The following RIPOR2 variants were observed in gnomAD, a reference collection of about 807,000 sequenced individuals.
RIPOR2 encodes rho family-interacting cell polarization regulator 2.
A neutral mutation model predicts 114.5 loss-of-function variants in RIPOR2; 39 were observed. That is an observed-to-expected ratio of 0.34 (90% confidence interval 0.26 to 0.44). The LOEUF is 0.44. Among genes scored for constraint, RIPOR2 ranks in the 20% least tolerant of loss-of-function variants. The probability of loss-of-function intolerance (pLI) is 1.00; values close to 1 mark genes in which losing one functional copy is unlikely to be tolerated. For synonymous variants in RIPOR2, 445 were observed against 484.4 expected (o/e 0.92, Z 1.07); for missense variants, 1,007 against 1,255.1 (o/e 0.80, Z 2.99).
chr6:24,910,303 C>G (rs868497852), intron 1 of RIPOR2, among the ~76,000 whole-genome samples: 9 of 152,218 alleles, frequency 5.9e-5, no homozygotes, highest in African/African-American at 2.2e-4. Flanking sequence ...GAGGAACGAG[C>G]TGGTTCATAG....
rs1271719013 is a variant in RIPOR2, at chr6:24,927,156, C to CATCACT, written c.61+8681_61+8682insAGTGAT. On this transcript the variant is annotated intron_variant, in intron 1 of 21. Transcript: ENST00000643898. ...TCACTACCACCACCACCACCACCAC[C>CATCACT]ACCACAACTACAATCACCACCACCA... Among the ~76,000 whole-genome samples the CATCACT allele has an allele frequency of 2.4e-4, 22 of 90,944 alleles. 3 individuals carry two copies. Among genetic ancestry groups the CATCACT allele is most frequent in the Admixed American group, 3.2e-4 (3 of 9,244 alleles). The allele number at this position is 90,944 out of a possible 152,430, so 59.7% of individuals were successfully genotyped here.
intron 1 of RIPOR2, among the ~76,000 whole-genome samples, chr6:24,899,078 G>C (rs1030188182): frequency 6.6e-6 from 1 of 151,190 alleles, no homozygotes; most frequent in Non-Finnish European, 1.5e-5. Flanking sequence ...AATTTCCACT[G>C]ATGTCCATTC....
At chr6:24,820,675 C>A (rs1759607639) in intron 19 of RIPOR2, among the ~76,000 whole-genome samples, 1 of 152,226 alleles carries the variant, frequency 6.6e-6, no homozygotes, top group South Asian at 2.1e-4. Context: ...CAAGGCTCAT[C>A]TAGGTTGAAG....
At chr6:24,832,654 G>C (rs904547678) in intron 15 of RIPOR2, among the ~76,000 whole-genome samples, 6 of 152,178 alleles carry the variant, frequency 3.9e-5, no homozygotes, top group African/African-American at 1.4e-4. Flanking sequence ...TTATAAAGCT[G>C]CTTTCCCTTT....
chr6:24,928,862 GT>G (rs909394083), intron 1 of RIPOR2, among the ~76,000 whole-genome samples: 8 of 152,168 alleles, frequency 5.3e-5, no homozygotes, highest in Non-Finnish European at 1.2e-4. Flanking sequence ...CTAGATCCGA[GT>G]GTGTTCTCTC....
At chr6:24,976,887 G>A in intron 1 of RIPOR2, 1 of 1,607,248 alleles carries the variant, frequency 6.2e-7, no homozygotes. Context: ...GTGAAAGAAG[G>A]CATGAATATT....
intron 1 of RIPOR2, among the ~76,000 whole-genome samples, chr6:24,962,773 T>G (rs2114223947): frequency 6.6e-6 from 1 of 152,330 alleles, no homozygotes; most frequent in South Asian, 2.1e-4. Context: ...TTCCTTAGTC[T>G]TGTGAAAATC....
intron 1 of RIPOR2, among the ~76,000 whole-genome samples, chr6:24,964,546 G>A (rs550847948): frequency 6.6e-6 from 1 of 152,306 alleles, no homozygotes; most frequent in East Asian, 1.9e-4. Context: ...CCCCTACTGG[G>A]AGACATTTTG....
At chr6:25,007,884 C>T (rs1775619870) in intron 1 of RIPOR2, among the ~76,000 whole-genome samples, 1 of 152,082 alleles carries the variant, frequency 6.6e-6, no homozygotes, top group Non-Finnish European at 1.5e-5. Context: ...GCTGTAGCCC[C>T]ACCTGCCCTC....
At chr6:24,852,063 C>A (rs923328798) in intron 9 of RIPOR2, among the ~76,000 whole-genome samples, 2 of 151,976 alleles carry the variant, frequency 1.3e-5, no homozygotes, top group African/African-American at 4.8e-5. Context: ...AGTTCAAGAC[C>A]AGCCTGGCCA....
At chr6:24,905,600 T>C (rs1158387481) in intron 1 of RIPOR2, among the ~76,000 whole-genome samples, 1 of 152,250 alleles carries the variant, frequency 6.6e-6, no homozygotes, top group African/African-American at 2.4e-5. Flanking sequence ...GAAGGTAGAC[T>C]GTCACAGCTA....
chr6:24,962,157 G>T (rs188741787), intron 1 of RIPOR2, among the ~76,000 whole-genome samples: 1 of 152,226 alleles, frequency 6.6e-6, no homozygotes, highest in Non-Finnish European at 1.5e-5. Context: ...TGTTGCAGTG[G>T]GAGATATGAT....
At chr6:24,830,419 T>C in intron 17 of RIPOR2, 90 bp downstream of exon 17, 1 of 1,054,816 alleles carries the variant, frequency 9.5e-7, no homozygotes, top group East Asian at 2.6e-5. Flanking sequence ...TGCAGGCAAG[T>C]GGTAGGAGGA....
chr6:25,029,370 A>G (rs1240614344), intron 1 of RIPOR2, among the ~76,000 whole-genome samples: 3 of 138,646 alleles, frequency 2.2e-5, no homozygotes, highest in Non-Finnish European at 4.5e-5. Context: ...GCGCCGCTGC[A>G]CTCCAACCTG....
intron 1 of RIPOR2, among the ~76,000 whole-genome samples, chr6:25,010,975 T>G (rs1775753532): frequency 6.6e-6 from 1 of 152,192 alleles, no homozygotes; most frequent in Non-Finnish European, 1.5e-5. Flanking sequence ...CCTGGGTGGT[T>G]GGGAAAGGTT....
chr6:24,934,434 C>A (rs996608496), intron 1 of RIPOR2, among the ~76,000 whole-genome samples: 1 of 152,184 alleles, frequency 6.6e-6, no homozygotes, highest in African/African-American at 2.4e-5. Context: ...AAAAACCCAA[C>A]TAATGATTTT....
In RIPOR2 at chr6:24,992,035, G is replaced by A. The variant is rs532193904; in HGVS notation, c.76+49816C>T. Among the ~76,000 whole-genome samples the A allele has an allele frequency of 4.6e-5, 7 of 152,296 alleles. No individual in the cohort carries two copies. The South Asian group carries it at 1.5e-3, about 32-fold the overall frequency. Reference sequence around the variant, plus strand: ...TTTGACTCTTGACACCAAAGCCCTAGGGGGCAAGACAGGGAGCCTGACACT... The same window carrying A: ...TTTGACTCTTGACACCAAAGCCCTAAGGGGCAAGACAGGGAGCCTGACACT... On this transcript the variant is annotated intron_variant, in intron 1 of 13. Coordinates refer to the RIPOR2 transcript ENST00000510784.
chr6:25,022,095 A>G (rs1776349677), intron 1 of RIPOR2, among the ~76,000 whole-genome samples: 1 of 152,228 alleles, frequency 6.6e-6, no homozygotes, highest in Admixed American at 6.5e-5. Flanking sequence ...TATAATTTAC[A>G]TGGAGTAAAA....
chr6:25,008,809 T>C (rs1216849470), intron 1 of RIPOR2, among the ~76,000 whole-genome samples: 1 of 152,246 alleles, frequency 6.6e-6, no homozygotes, highest in African/African-American at 2.4e-5. Context: ...AGATGATGGC[T>C]CTGGAGGAGC....
Sources: gnomAD v4.1 joint callset for allele counts (sites outside exome capture counted in the v4.1 genomes callset) on GRCh38, gnomAD v4.1.1 for gene constraint, MANE v1.5 for transcripts, NCBI Gene and HGNC (gene_info 2026-07-23, HGNC 2026-07-21) for gene names.